REPS1: variants seen among roughly 807,000 people sequenced by gnomAD.
REPS1 encodes ralBP1-associated Eps domain-containing protein 1.
REPS1 carries 39 observed loss-of-function variants against 100.9 expected under a neutral mutation model. That is an observed-to-expected ratio of 0.39 (90% CI 0.30 to 0.50). The LOEUF is 0.50. Among genes scored for constraint, REPS1 ranks in the 20% least tolerant of loss-of-function variants. The pLI is 0.86. For synonymous variants in REPS1, 324 were observed against 340.3 expected (o/e 0.95, Z 0.53); for missense variants, 821 against 968.5 (o/e 0.85, Z 2.02).
intron 1 of REPS1, among the ~76,000 whole-genome samples, chr6:138,955,457 A>AAAGTGT (rs10689184): frequency 1.8e-4 from 16 of 90,732 alleles, no homozygotes; most frequent in African/African-American, 6.2e-4. Flanking sequence ...AAAAAAAAAA[A>AAAGTGT]GTGTGTGTGT....
At chr6:138,964,720 A>G (rs1198755038) in intron 1 of REPS1, among the ~76,000 whole-genome samples, 1 of 152,002 alleles carries the variant, frequency 6.6e-6, no homozygotes, top group African/African-American at 2.4e-5. Flanking sequence ...TAAAAACAGT[A>G]TATTTCTCAA....
rs1248584875 is a variant in REPS1, at chr6:138,915,857, C to A, written c.1720+1G>T. ...GTATATTATGGTTCTCTAGCCCCTA[C>A]CTGTGGTGACTGTAAAGGTCCGATT... is the stretch of plus-strand genomic sequence containing the variant. On this transcript the variant is annotated splice_donor_variant, in intron 14 of 19. Transcript: ENST00000450536. LOFTEE classifies it high-confidence loss of function. 1 of 1,582,726 alleles carries A rather than the reference C, an allele frequency of 6.3e-7. No homozygotes were observed. The highest frequency in any genetic ancestry group is 8.7e-7 in the Non-Finnish European group (1 of 1,151,676).
intron 1 of REPS1, among the ~76,000 whole-genome samples, chr6:138,948,933 C>T (rs994488191): frequency 2.0e-5 from 3 of 152,116 alleles, no homozygotes; most frequent in Admixed American, 6.5e-5. Context: ...TGCTGGCTGA[C>T]CAGCACTGGA....
At chr6:138,940,327 A>C (rs1218328559) in intron 8 of REPS1, among the ~76,000 whole-genome samples, 1 of 152,254 alleles carries the variant, frequency 6.6e-6, no homozygotes, top group Admixed American at 6.5e-5. Context: ...TATAGATGGA[A>C]ACACTGAAGA....
intron 18 of REPS1, among the ~76,000 whole-genome samples, chr6:138,908,055 C>A (rs138015581): frequency 6.6e-6 from 1 of 152,204 alleles, no homozygotes; most frequent in East Asian, 1.9e-4. Flanking sequence ...CTGAATTTGG[C>A]CCATTAAGAC....
chr6:138,944,066 T>C, intron 5 of REPS1, 51 bp from the exon 6 acceptor site: 3 of 1,515,934 alleles, frequency 2.0e-6, no homozygotes, highest in South Asian at 1.2e-5. Flanking sequence ...CATGATTATA[T>C]GGACCAAGAT....
intron 7 of REPS1, 42 bp downstream of exon 7, chr6:138,943,471 G>T: frequency 7.9e-7 from 1 of 1,272,636 alleles, no homozygotes; most frequent in Non-Finnish European, 1.1e-6. Flanking sequence ...GAAACTCCTT[G>T]GAAGCAACCC....
chr6:138,974,028 T>C (rs1189215649), intron 1 of REPS1, among the ~76,000 whole-genome samples: 2 of 152,138 alleles, frequency 1.3e-5, no homozygotes, highest in East Asian at 3.8e-4. Flanking sequence ...ACAGGAACCA[T>C]GTCTCCTTCA....
intron 1 of REPS1, among the ~76,000 whole-genome samples, chr6:138,979,640 C>T (rs1453275363): frequency 3.3e-5 from 5 of 152,128 alleles, no homozygotes; most frequent in Non-Finnish European, 7.4e-5. Flanking sequence ...GCTGACTACC[C>T]ACCCCCTTGA....
intron 16 of REPS1, among the ~76,000 whole-genome samples, chr6:138,911,719 C>T (rs554845000): frequency 1.5e-5 from 2 of 132,182 alleles, no homozygotes; most frequent in Admixed American, 7.6e-5. Flanking sequence ...GAGAGGAGGA[C>T]GGGGCAAGGA....
chr6:138,970,457 T>TAAA lies in REPS1; in HGVS notation c.153+17070_153+17072dup, dbSNP rs11420118. Among the ~76,000 whole-genome samples, 43 of 141,436 alleles carry TAAA rather than the reference T, an allele frequency of 3.0e-4. No homozygotes were observed. The South Asian group carries it at 4.1e-3, about 14-fold the overall frequency. The allele number at this position is 141,436 out of a possible 152,430, so 92.8% of individuals were successfully genotyped here. ...ATAACAATGAACTTTAAGAATATCT[T>TAAA]AAAAAAAAAAAAAAGGAGGGGGAAT... is the stretch of plus-strand genomic sequence containing the variant. On this transcript the variant is annotated intron_variant, in intron 1 of 19. Transcript: ENST00000450536.
Position 138,988,224 on chromosome 6 carries a change from C to G in REPS1, c.-542G>C, listed in dbSNP as rs545140894. ...CGCCGCCATTTACAGTGCCCCGGCC[C>G]GGCCCCGACGCGCCCGCACCAACAG... On this transcript the variant is annotated 5_prime_UTR_variant, in exon 1 of 20. Coordinates refer to ENST00000450536, the MANE Select transcript of REPS1 (RefSeq NM_001286611.2). 27 of 398,424 alleles carry G rather than the reference C, an allele frequency of 6.8e-5. No homozygotes were observed. The highest frequency in any genetic ancestry group is 9.7e-5 in the Non-Finnish European group (22 of 226,104). The allele number at this position is 398,424 out of a possible 1,614,324, so 24.7% of individuals were successfully genotyped here.
At chr6:138,949,008 A>G (rs1582805815) in intron 1 of REPS1, among the ~76,000 whole-genome samples, 2 of 152,370 alleles carry the variant, frequency 1.3e-5, no homozygotes, top group South Asian at 4.1e-4. Flanking sequence ...GGCAAAGAGA[A>G]TAAACAGGCA....
chr6:138,959,759 T>A (rs1783620523), intron 1 of REPS1, among the ~76,000 whole-genome samples: 1 of 143,892 alleles, frequency 6.9e-6, no homozygotes, highest in South Asian at 2.1e-4. Flanking sequence ...ATCCTTGTAA[T>A]GAAGATTCAC....
chr6:138,931,809 G>T (rs1781501613), intron 8 of REPS1, among the ~76,000 whole-genome samples: 1 of 151,998 alleles, frequency 6.6e-6, no homozygotes, highest in Non-Finnish European at 1.5e-5. Flanking sequence ...GATAACAAAG[G>T]GAAAGGGAAA....
rs567727249 is a variant in REPS1 at position 138,971,251 on chromosome 6, A to G, written c.153+16279T>C. Among the ~76,000 whole-genome samples, 33 of 152,326 alleles carry G rather than the reference A, an allele frequency of 2.2e-4. 1 individual carries two copies. In the South Asian group the frequency reaches 6.2e-3, roughly 29 times the overall value. ...TGGGTCATTAGCTTTCAAAGTTTTAAGATCTGCAGTTTCTACTATTCCTAT... is the reference window on the plus strand; with the variant it reads ...TGGGTCATTAGCTTTCAAAGTTTTAGGATCTGCAGTTTCTACTATTCCTAT... On this transcript the variant is annotated intron_variant, in intron 1 of 19. Coordinates refer to ENST00000450536, the MANE Select transcript of REPS1 (RefSeq NM_001286611.2).
At chr6:138,981,005 C>A (rs1265731197) in intron 1 of REPS1, among the ~76,000 whole-genome samples, 1 of 152,200 alleles carries the variant, frequency 6.6e-6, no homozygotes, top group East Asian at 1.9e-4. Flanking sequence ...TAGCATTTCA[C>A]AGGTCAGCCT....
At chr6:138,971,708 T>C (rs1784354922) in intron 1 of REPS1, among the ~76,000 whole-genome samples, 1 of 152,220 alleles carries the variant, frequency 6.6e-6, no homozygotes, top group Admixed American at 6.5e-5. Flanking sequence ...GCTATTGTTC[T>C]GTTCTTACTG....
chr6:138,966,729 T>G (rs1486129948), intron 1 of REPS1, among the ~76,000 whole-genome samples: 1 of 152,152 alleles, frequency 6.6e-6, no homozygotes, highest in Non-Finnish European at 1.5e-5. Flanking sequence ...AAGTTTTTGG[T>G]TGGAAGGCCG....
Sources: allele counts gnomAD v4.1 joint callset (sites outside exome capture counted in the v4.1 genomes callset), GRCh38; gene constraint gnomAD v4.1.1; transcripts MANE v1.5; gene names NCBI Gene and HGNC (gene_info 2026-07-23, HGNC 2026-07-21).